Variants in STRN3 observed in about 807,000 individuals in gnomAD.
STRN3 encodes the protein striatin 3.
STRN3 carries 29 observed loss-of-function variants against 95.6 expected under a neutral mutation model. The ratio of observed to expected loss-of-function variants is 0.30; its 90% CI spans 0.23 to 0.41. The LOEUF is 0.41. STRN3 is among the 10% of genes least tolerant of loss of function. The probability of loss-of-function intolerance (pLI) is 1.00; values close to 1 mark genes in which losing one functional copy is unlikely to be tolerated. For missense variants in STRN3, 890 were observed against 972.1 expected (o/e 0.92, Z 1.12); for synonymous variants, 331 against 357.6 (o/e 0.93, Z 0.84).
At chr14:30,984,989 T>C (rs1881608576) in intron 1 of STRN3, among the ~76,000 whole-genome samples, 2 of 152,130 alleles carry the variant, frequency 1.3e-5, no homozygotes, top group African/African-American at 2.4e-5. Flanking sequence ...AAAAGTTAGA[T>C]GTAATTGCGG....
chr14:30,975,769 G>A (rs563573456), intron 1 of STRN3, among the ~76,000 whole-genome samples: 2 of 148,784 alleles, frequency 1.3e-5, no homozygotes, highest in East Asian at 2.0e-4. Context: ...GGAGATCAAG[G>A]CTACAAGTGA....
At chr14:30,901,821 A>G (rs1896323454) in intron 16 of STRN3, among the ~76,000 whole-genome samples, 2 of 152,212 alleles carry the variant, frequency 1.3e-5, no homozygotes, top group Non-Finnish European at 2.9e-5. Context: ...GGAAGATGAT[A>G]ATAAACACTA....
chr14:30,967,275 G>A (rs1880569100), intron 1 of STRN3, among the ~76,000 whole-genome samples: 1 of 142,858 alleles, frequency 7.0e-6, no homozygotes, highest in Non-Finnish European at 1.5e-5. Context: ...GGGGGGAAGA[G>A]AGGCAGAGAG....
At chr14:30,927,100 T>C (rs971508759) in intron 8 of STRN3, among the ~76,000 whole-genome samples, 1 of 152,034 alleles carries the variant, frequency 6.6e-6, no homozygotes, top group Admixed American at 6.6e-5. Context: ...GGCCAAGAGT[T>C]CGAGACCAGC....
intron 1 of STRN3, among the ~76,000 whole-genome samples, chr14:30,996,634 A>G (rs943199998): frequency 3.9e-5 from 6 of 152,130 alleles, no homozygotes; most frequent in Non-Finnish European, 8.8e-5. Flanking sequence ...TTGGGAGGCC[A>G]AGGCGGGTGG....
intron 8 of STRN3, among the ~76,000 whole-genome samples, chr14:30,926,065 T>C (rs1897020672): frequency 6.6e-6 from 1 of 152,084 alleles, no homozygotes; most frequent in Admixed American, 6.5e-5. Flanking sequence ...AAACTCTAAT[T>C]TCACGGCAAG....
intron 1 of STRN3, among the ~76,000 whole-genome samples, chr14:30,976,457 TGA>T (rs796359471): frequency 6.6e-5 from 10 of 152,206 alleles, no homozygotes; most frequent in African/African-American, 2.4e-4. Flanking sequence ...TACCAGTAAC[TGA>T]GAGATCCAGC....
intron 10 of STRN3, 105 bp downstream of exon 10, chr14:30,913,419 A>T: frequency 8.2e-7 from 1 of 1,219,366 alleles, no homozygotes; most frequent in Non-Finnish European, 1.1e-6. Flanking sequence ...ACACAAACTT[A>T]TCTTTTCCAT....
intron 1 of STRN3, among the ~76,000 whole-genome samples, chr14:30,962,694 C>A (rs1270804326): frequency 6.6e-6 from 1 of 152,116 alleles, no homozygotes; most frequent in Non-Finnish European, 1.5e-5. Context: ...ACTACTATGA[C>A]TGGCTAAGTT....
At position 31,002,185 on chromosome 14, in the gene STRN3, A is replaced by G. The variant is rs55872901; in HGVS notation, c.282+23719T>C. Reference sequence around the variant, plus strand: ...CCATCTCAAAAAAAAAAAAAAAAAAAAAACAAGGCCAGGCGTGGTGGCTCA... The same window carrying G: ...CCATCTCAAAAAAAAAAAAAAAAAAGAAACAAGGCCAGGCGTGGTGGCTCA... On this transcript the variant is annotated intron_variant, in intron 1 of 17. Transcript: ENST00000357479. 2.9e-3 allele frequency among the ~76,000 whole-genome samples: 421 copies of G among 142,950 alleles called. 4 individuals are homozygous for G. The highest frequency in any genetic ancestry group is 0.011 in the African/African-American group (397 of 37,592). The allele number at this position is 142,950 out of a possible 152,430, so 93.8% of individuals were successfully genotyped here. A position where few individuals can be genotyped will look rare whatever the true frequency, so the allele number is the denominator to read the frequency against.
chr14:30,899,495 T>C (rs748959305), intron 16 of STRN3, among the ~76,000 whole-genome samples: 3 of 152,232 alleles, frequency 2.0e-5, no homozygotes, highest in Non-Finnish European at 4.4e-5. Flanking sequence ...ACATACAGCA[T>C]AGATAAAAAT....
intron 2 of STRN3, 21 bp from the exon 3 acceptor site, chr14:30,955,714 T>C (rs1356957585): frequency 1.3e-6 from 2 of 1,559,926 alleles, no homozygotes; most frequent in East Asian, 4.7e-5. Context: ...AATCACAAAT[T>C]AGTAAAATCA....
At chr14:30,978,616 T>C (rs1445231682) in intron 1 of STRN3, among the ~76,000 whole-genome samples, 4 of 152,136 alleles carry the variant, frequency 2.6e-5, no homozygotes, top group Non-Finnish European at 5.9e-5. Context: ...TCCTAGCTAA[T>C]GCAAGAGATG....
intron 1 of STRN3, among the ~76,000 whole-genome samples, chr14:30,985,649 T>C (rs762563839): frequency 1.3e-5 from 2 of 152,140 alleles, no homozygotes; most frequent in Admixed American, 6.5e-5. Flanking sequence ...TTCATAAACA[T>C]CTCTTATATG....
chr14:31,024,336 T>C (rs1883670971), intron 1 of STRN3, among the ~76,000 whole-genome samples: 1 of 151,818 alleles, frequency 6.6e-6, no homozygotes, highest in African/African-American at 2.4e-5. Context: ...TTACTTACTT[T>C]ACTCACACAG....
intron 1 of STRN3, among the ~76,000 whole-genome samples, chr14:31,010,103 T>A (rs537669884): frequency 6.6e-6 from 1 of 151,990 alleles, no homozygotes; most frequent in South Asian, 2.1e-4. Context: ...TGAGACCCTG[T>A]CTCTAAAAAA....
chr14:30,929,966 A>AAACAAAAAAAAAAAAAAAAAAAAAAAAAC (rs1566441425), intron 7 of STRN3, among the ~76,000 whole-genome samples: 1 of 108,282 alleles, frequency 9.2e-6, no homozygotes, highest in Non-Finnish European at 1.8e-5. Context: ...AAAAAAAAAA[A>AAACAAAAAAAAAAAAAAAAAAAAAAAAAC]AAAAAAAAAA....
chr14:30,905,621 T>A (rs537842133), intron 14 of STRN3, 63 bp from the exon 15 acceptor site: 1 of 1,519,456 alleles, frequency 6.6e-7, no homozygotes, highest in African/African-American at 1.4e-5. Flanking sequence ...TCTCTACTTT[T>A]TGAAATCTCT....
At chr14:30,907,128 C>A in intron 13 of STRN3, 84 bp from the exon 14 acceptor site, 2 of 1,473,642 alleles carry the variant, frequency 1.4e-6, no homozygotes, top group Non-Finnish European at 1.8e-6. Context: ...TACCATATAA[C>A]TGAGCATAAA....
Sources: gnomAD v4.1 joint callset for allele counts (sites outside exome capture counted in the v4.1 genomes callset) on GRCh38, gnomAD v4.1.1 for gene constraint, MANE v1.5 for transcripts, NCBI Gene and HGNC (gene_info 2026-07-23, HGNC 2026-07-21) for gene names.